Variants in MGAT4C observed in about 807,000 individuals in gnomAD.
MGAT4C encodes the protein MGAT4 family member C.
Under a neutral mutation model 40.1 loss-of-function variants are expected in MGAT4C, and 19 were observed. The observed-to-expected ratio is 0.47, with a 90% CI of 0.33 to 0.70. MGAT4C has a LOEUF of 0.70. Among genes scored for constraint, MGAT4C ranks in the 30% least tolerant of loss-of-function variants. MGAT4C has a pLI of 0.02. For missense variants in MGAT4C, 491 were observed against 563.2 expected (o/e 0.87, Z 1.30); for synonymous variants, 181 against 187.1 (o/e 0.97, Z 0.27).
At chr12:86,502,117 G>C (rs1457628027) in intron 2 of MGAT4C, among the ~76,000 whole-genome samples, 1 of 152,106 alleles carries the variant, frequency 6.6e-6, no homozygotes, top group East Asian at 1.9e-4. Context: ...AACAGTCTGT[G>C]TATCATTTGA....
intron 2 of MGAT4C, among the ~76,000 whole-genome samples, chr12:86,464,127 C>T (rs578057395): frequency 1.2e-4 from 18 of 152,146 alleles, no homozygotes; most frequent in African/African-American, 3.9e-4. Context: ...GATAGTACTT[C>T]GTGAGGAGTA....
intron 1 of MGAT4C, among the ~76,000 whole-genome samples, chr12:86,252,887 G>A (rs1454430245): frequency 6.6e-6 from 1 of 151,782 alleles, no homozygotes; most frequent in Non-Finnish European, 1.5e-5. Context: ...GTCCAAAAAT[G>A]ATTGATACTG....
intron 2 of MGAT4C, among the ~76,000 whole-genome samples, chr12:86,653,187 T>G (rs1963742742): frequency 6.6e-6 from 1 of 151,938 alleles, no homozygotes; most frequent in South Asian, 2.1e-4. Flanking sequence ...CATTGAGTTT[T>G]CAGTGTAGTC....
chr12:86,202,462 A>G (rs919412592), intron 1 of MGAT4C, among the ~76,000 whole-genome samples: 10 of 152,060 alleles, frequency 6.6e-5, no homozygotes, highest in Non-Finnish European at 1.3e-4. Context: ...ATTATAATTT[A>G]TACTTATTAT....
intron 2 of MGAT4C, among the ~76,000 whole-genome samples, chr12:86,010,787 T>C (rs1671473963): frequency 6.6e-6 from 1 of 152,206 alleles, no homozygotes; most frequent in African/African-American, 2.4e-5. Context: ...GACTGGATCA[T>C]GAGGCTTCTG....
At chr12:86,647,072 A>G (rs1299018198) in intron 2 of MGAT4C, among the ~76,000 whole-genome samples, 2 of 151,860 alleles carry the variant, frequency 1.3e-5, no homozygotes. Context: ...GGAAGATGAG[A>G]GACATGGAAA....
intron 1 of MGAT4C, among the ~76,000 whole-genome samples, chr12:86,079,570 A>C (rs1870436680): frequency 6.6e-6 from 1 of 152,118 alleles, no homozygotes; most frequent in African/African-American, 2.4e-5. Context: ...GTCTTGTCTG[A>C]TGAGAGGATG....
intron 1 of MGAT4C, among the ~76,000 whole-genome samples, chr12:86,186,458 T>C (rs908534933): frequency 2.6e-5 from 4 of 152,140 alleles, no homozygotes; most frequent in African/African-American, 9.7e-5. Flanking sequence ...AAACATTAAA[T>C]GTAAATGCTG....
intron 1 of MGAT4C, among the ~76,000 whole-genome samples, chr12:86,739,951 A>G (rs1232263738): frequency 2.0e-5 from 3 of 150,962 alleles, no homozygotes; most frequent in Non-Finnish European, 4.5e-5. Flanking sequence ...TCTATTTATA[A>G]TATAATATTC....
intron 2 of MGAT4C, among the ~76,000 whole-genome samples, chr12:86,643,675 G>A (rs1269802348): frequency 1.3e-5 from 2 of 151,820 alleles, no homozygotes; most frequent in East Asian, 1.9e-4. Flanking sequence ...TTTACAAGGA[G>A]GCCTGGAGGG....
intron 2 of MGAT4C, among the ~76,000 whole-genome samples, chr12:86,628,483 G>C (rs952330687): frequency 3.9e-5 from 6 of 151,904 alleles, no homozygotes; most frequent in African/African-American, 1.5e-4. Flanking sequence ...AAAATGTTAA[G>C]GGTAGTCAGA....
chr12:86,798,355 T>G (rs1340041814), intron 1 of MGAT4C, among the ~76,000 whole-genome samples: 1 of 151,982 alleles, frequency 6.6e-6, no homozygotes, highest in Admixed American at 6.6e-5. Context: ...TCTTCCTCTT[T>G]AATGAATCTA....
intron 2 of MGAT4C, among the ~76,000 whole-genome samples, chr12:86,649,896 A>G (rs559264242): frequency 1.3e-5 from 2 of 151,892 alleles, no homozygotes; most frequent in Non-Finnish European, 2.9e-5. Context: ...AACATTTAAA[A>G]CATTTGAAAA....
intron 2 of MGAT4C, among the ~76,000 whole-genome samples, chr12:86,579,320 G>A (rs971149585): frequency 6.6e-6 from 1 of 151,324 alleles, no homozygotes. Context: ...TGTATCCATT[G>A]TAAGTTTCTT....
intron 2 of MGAT4C, among the ~76,000 whole-genome samples, chr12:86,576,806 G>A (rs978863805): frequency 6.6e-6 from 1 of 151,588 alleles, no homozygotes; most frequent in African/African-American, 2.4e-5. Flanking sequence ...GCTATTCTGA[G>A]TTTTCTTTAC....
At chr12:86,576,496 T>C (rs1960563750) in intron 2 of MGAT4C, among the ~76,000 whole-genome samples, 1 of 151,942 alleles carries the variant, frequency 6.6e-6, no homozygotes, top group Non-Finnish European at 1.5e-5. Context: ...TTAATTTTTG[T>C]ATATGGTGAG....
At position 86,123,621 on chromosome 12, in the gene MGAT4C, A is replaced by T. The variant is rs539719808; in HGVS notation, c.-56-73898T>A. On this transcript the variant is annotated intron_variant, in intron 1 of 4. Coordinates refer to ENST00000611864, the MANE Select transcript of MGAT4C (RefSeq NM_001351288.2). ...ACTAGCTACTGTTTTAAGACATTTC[A>T]TGAATTATCTAATTGGATGTTCATA... Among the ~76,000 whole-genome samples, 3 of 152,222 alleles carry T rather than the reference A, an allele frequency of 2.0e-5. No individual in the cohort carries two copies. The South Asian group carries it at 6.2e-4, about 32-fold the overall frequency.
chr12:86,403,167 T>C (rs925310657), intron 3 of MGAT4C, among the ~76,000 whole-genome samples: 1 of 152,206 alleles, frequency 6.6e-6, no homozygotes, highest in African/African-American at 2.4e-5. Flanking sequence ...TTTTACTGAG[T>C]TATCAGTAGC....
intron 1 of MGAT4C, among the ~76,000 whole-genome samples, chr12:86,111,733 C>T (rs1429156999): frequency 1.3e-5 from 2 of 151,814 alleles, no homozygotes; most frequent in Admixed American, 6.6e-5. Context: ...TTTTCACCCA[C>T]GCTTATGTTC....
Sources: allele counts gnomAD v4.1 joint callset (sites outside exome capture counted in the v4.1 genomes callset), GRCh38; gene constraint gnomAD v4.1.1; transcripts MANE v1.5; gene names NCBI Gene and HGNC (gene_info 2026-07-23, HGNC 2026-07-21).